CDHR3: variants seen among roughly 807,000 people sequenced by gnomAD.
CDHR3 encodes cadherin-related family member 3.
Under a neutral mutation model 86.6 loss-of-function variants are expected in CDHR3, and 79 were observed. The observed-to-expected ratio is 0.91, with a 90% CI of 0.76 to 1.10. CDHR3 has a LOEUF of 1.10. Among genes scored for constraint, CDHR3 ranks in the 50% least tolerant of loss-of-function variants. The pLI, the probability that CDHR3 is intolerant of heterozygous loss-of-function variation, is 0.00. For synonymous variants in CDHR3, 421 were observed against 402.4 expected, an observed-to-expected ratio of 1.05 and a Z score of -0.55; for missense variants, 1,081 against 1,077.6, an observed-to-expected ratio of 1.00 and a Z score of -0.04.
At chr7:105,994,263 C>T (rs1421190801) in intron 4 of CDHR3, among the ~76,000 whole-genome samples, 1 of 149,280 alleles carries the variant, frequency 6.7e-6, no homozygotes, top group African/African-American at 2.6e-5. Flanking sequence ...GTCCTATTAC[C>T]TAGTGGGTAG....
intron 4 of CDHR3, among the ~76,000 whole-genome samples, chr7:105,988,022 C>A (rs1373971712): frequency 6.6e-6 from 1 of 152,172 alleles, no homozygotes; most frequent in Non-Finnish European, 1.5e-5. Flanking sequence ...TTCCAAGTAG[C>A]TGGGACTACA....
At chr7:106,001,870 G>A (rs1833243583) in intron 7 of CDHR3, among the ~76,000 whole-genome samples, 1 of 152,140 alleles carries the variant, frequency 6.6e-6, no homozygotes, top group Non-Finnish European at 1.5e-5. Context: ...GTATTGTTTA[G>A]GGAATAATGA....
intron 4 of CDHR3, among the ~76,000 whole-genome samples, chr7:105,992,253 G>A (rs771617672): frequency 2.6e-5 from 4 of 152,158 alleles, no homozygotes; most frequent in East Asian, 3.8e-4. Context: ...GTGGAAGGAC[G>A]CCCTGATTCA....
At chr7:105,994,225 T>C (rs967967319) in intron 4 of CDHR3, among the ~76,000 whole-genome samples, 9 of 149,142 alleles carry the variant, frequency 6.0e-5, no homozygotes, top group African/African-American at 2.3e-4. Context: ...TAGTGGGTAG[T>C]AGCTGTATTA....
intron 8 of CDHR3, among the ~76,000 whole-genome samples, chr7:106,009,291 G>A (rs941286009): frequency 6.6e-6 from 1 of 152,178 alleles, no homozygotes; most frequent in Non-Finnish European, 1.5e-5. Context: ...TGCAGTTCCA[G>A]GGGCGGAGGT....
In CDHR3 at chr7:106,030,958, T is replaced by G; in HGVS notation, c.2353+118T>G. ...CATTTTGTCAATCCGTTTGGCTATG[T>G]TGCCTATATAGTGCTGACTCTTCTA... is the stretch of plus-strand genomic sequence containing the variant. On this transcript the variant is annotated intron_variant, in intron 18 of 18. Coordinates refer to ENST00000317716, the MANE Select transcript of CDHR3 (RefSeq NM_152750.5). The surrounding 1 kb of genome is among the most constrained non-coding windows in gnomAD (Gnocchi z 4.8). 1.0e-6 allele frequency: 1 copy of G among 996,682 alleles called. No individual in the cohort carries two copies. The highest frequency in any genetic ancestry group is 1.5e-5 in the South Asian group (1 of 68,420). The allele number at this position is 996,682 out of a possible 1,614,324, so 61.7% of individuals were successfully genotyped here.
At chr7:105,974,259 C>G (rs984688765) in intron 1 of CDHR3, among the ~76,000 whole-genome samples, 1 of 152,182 alleles carries the variant, frequency 6.6e-6, no homozygotes, top group African/African-American at 2.4e-5. Flanking sequence ...GTTAATCTAC[C>G]AACCAAGAGG....
At chr7:105,999,430 G>A (rs557687967) in intron 6 of CDHR3, among the ~76,000 whole-genome samples, 46 of 152,316 alleles carry the variant, frequency 3.0e-4, no homozygotes, top group African/African-American at 1.1e-3. Context: ...TTAAACAGCG[G>A]AACTGCTGGC....
chr7:106,015,299 A>G (rs35842338), intron 10 of CDHR3, 86 bp downstream of exon 10: 37,947 of 1,192,826 alleles, frequency 0.032, 726 homozygotes, highest in Non-Finnish European at 0.039. Flanking sequence ...GTATTGTGCT[A>G]GGTCCCCCTT....
intron 8 of CDHR3, among the ~76,000 whole-genome samples, chr7:106,008,710 G>A (rs1834320296): frequency 6.6e-6 from 1 of 152,184 alleles, no homozygotes; most frequent in South Asian, 2.1e-4. Context: ...CCCAGGGGAT[G>A]GAGTGGAGAC....
intron 1 of CDHR3, among the ~76,000 whole-genome samples, chr7:105,969,837 T>A (rs1827666309): frequency 6.6e-6 from 1 of 152,164 alleles, no homozygotes; most frequent in South Asian, 2.1e-4. Context: ...TTATAAGCAT[T>A]GTCACTTGGG....
chr7:105,968,849 G>A (rs550977827), intron 1 of CDHR3, among the ~76,000 whole-genome samples: 61 of 152,234 alleles, frequency 4.0e-4, no homozygotes, highest in South Asian at 6.2e-4. Flanking sequence ...AGCACTTTGG[G>A]AGGCTGAGAC....
chr7:105,975,118 C>A, intron 2 of CDHR3, 72 bp downstream of exon 2: 3 of 1,233,404 alleles, frequency 2.4e-6, no homozygotes, highest in South Asian at 1.2e-5. Flanking sequence ...GGATGGGATG[C>A]CAGATCAGTG....
At chr7:105,966,414 C>G (rs1324011595) in intron 1 of CDHR3, among the ~76,000 whole-genome samples, 1 of 152,198 alleles carries the variant, frequency 6.6e-6, no homozygotes, top group African/African-American at 2.4e-5. Context: ...AAGAGGCAAT[C>G]ACAGCTTTCT....
chr7:105,980,762 T>A (rs1429660578), intron 2 of CDHR3, among the ~76,000 whole-genome samples: 1 of 152,042 alleles, frequency 6.6e-6, no homozygotes, highest in Non-Finnish European at 1.5e-5. Context: ...AAACGCAGCA[T>A]CACATGCAGG....
At chr7:105,973,340 G>T (rs752717381) in intron 1 of CDHR3, among the ~76,000 whole-genome samples, 2 of 152,034 alleles carry the variant, frequency 1.3e-5, no homozygotes, top group Non-Finnish European at 2.9e-5. Flanking sequence ...CGTTTCCTAG[G>T]GCTGCTGTAA....
intron 15 of CDHR3, among the ~76,000 whole-genome samples, chr7:106,024,906 T>C (rs540751757): frequency 3.3e-5 from 5 of 152,338 alleles, no homozygotes; most frequent in African/African-American, 1.2e-4. Context: ...GAATATGCCG[T>C]GCTCTTATTT....
chr7:105,995,278 T>G (rs911232441), intron 5 of CDHR3, among the ~76,000 whole-genome samples: 2 of 152,194 alleles, frequency 1.3e-5, no homozygotes, highest in African/African-American at 4.8e-5. Context: ...CTCAAGCCAC[T>G]CCACAGGTCA....
chr7:106,027,844 G>C (rs73195670), intron 16 of CDHR3, among the ~76,000 whole-genome samples: 6,020 of 152,140 alleles, frequency 0.04, 163 homozygotes, highest in South Asian at 0.13. Flanking sequence ...GGGGATGGGG[G>C]CTGGGCATGG....
Sources: allele counts gnomAD v4.1 joint callset (sites outside exome capture counted in the v4.1 genomes callset), GRCh38; gene constraint gnomAD v4.1.1; non-coding constraint Gnocchi (gnomAD v3.1); transcripts MANE v1.5; gene names NCBI Gene and HGNC (gene_info 2026-07-23, HGNC 2026-07-21).